IPO5: variants seen among roughly 807,000 people sequenced by gnomAD.
IPO5 encodes importin-5.
IPO5 carries 18 observed loss-of-function variants against 143.3 expected under a neutral mutation model. The observed-to-expected ratio is 0.13, with a 90% CI of 0.09 to 0.19. The LOEUF (loss-of-function observed/expected upper bound fraction) is 0.19, where lower values mean the gene tolerates loss of function less well. IPO5 is among the 10% of genes least tolerant of loss of function. The probability of loss-of-function intolerance (pLI) is 1.00; values close to 1 mark genes in which losing one functional copy is unlikely to be tolerated. For missense variants in IPO5, 1,013 were observed against 1,336.9 expected, an observed-to-expected ratio of 0.76 and a Z score of 3.78; for synonymous variants, 477 against 465.7, an observed-to-expected ratio of 1.02 and a Z score of -0.31.
rs11842711 is a variant in IPO5, at chr13:98,014,529, G to T, written c.2325+315G>T. Among the ~76,000 whole-genome samples, 13 of 152,156 alleles carry T rather than the reference G, an allele frequency of 8.5e-5. No individual in the cohort carries two copies. The East Asian group carries it at 1.2e-3, about 14-fold the overall frequency. On this transcript the variant is annotated intron_variant, in intron 22 of 28. Coordinates refer to ENST00000651721, the MANE Select transcript of IPO5 (RefSeq NM_002271.6). ...CTCGGCCTCCCAGAGTGCTGGGATT[G>T]CAGATGTAAGGCAGCTAAATAAATT...
intron 6 of IPO5, among the ~76,000 whole-genome samples, chr13:97,988,391 T>C (rs767023574): frequency 1.3e-5 from 2 of 152,226 alleles, no homozygotes; most frequent in Admixed American, 6.5e-5. Flanking sequence ...CTTTGCCTAC[T>C]TTTTCAACTC....
At chr13:97,972,968 T>C (rs1263096797) in intron 3 of IPO5, among the ~76,000 whole-genome samples, 1 of 152,014 alleles carries the variant, frequency 6.6e-6, no homozygotes, top group Non-Finnish European at 1.5e-5. Context: ...TTGATCTCCT[T>C]GGGAAATAAA....
At position 98,021,935 on chromosome 13, in the gene IPO5, C is replaced by G; in HGVS notation, c.*113C>G. 1 of 580,274 alleles carries G rather than the reference C, an allele frequency of 1.7e-6. No individual in the cohort carries two copies. Among genetic ancestry groups the G allele is most frequent in the Non-Finnish European group, 2.9e-6 (1 of 344,802 alleles). 35.9% of individuals were successfully genotyped at this position (580,274 alleles called of 1,614,324 possible). A position where few individuals can be genotyped will look rare whatever the true frequency, so the allele number is the denominator to read the frequency against. On this transcript the variant is annotated 3_prime_UTR_variant, in exon 29 of 29. Transcript: ENST00000651721. ...AGAGATCGGTAGTGTTGTGTGTAGG[C>G]CATTCTTCTGGAGAGCCACAAGCAG... is the stretch of plus-strand genomic sequence containing the variant.
intron 2 of IPO5, among the ~76,000 whole-genome samples, chr13:97,969,175 A>ATATATATATTTTTTTTTTTTTTTTTTTTT (rs1234384302): frequency 2.3e-5 from 1 of 43,896 alleles, no homozygotes; most frequent in Non-Finnish European, 4.0e-5. Context: ...ATATATATAT[A>ATATATATATTTTTTTTTTTTTTTTTTTTT]TTTTTTTTTT....
chr13:97,973,077 CTG>C (rs1389024783), intron 3 of IPO5, among the ~76,000 whole-genome samples: 8 of 119,274 alleles, frequency 6.7e-5, no homozygotes, highest in Non-Finnish European at 1.3e-4. Context: ...GAGTCTCACT[CTG>C]TCACCCATGC....
At chr13:97,982,395 T>C (rs1349543475) in intron 4 of IPO5, 108 bp from the exon 5 acceptor site, 2 of 707,052 alleles carry the variant, frequency 2.8e-6, no homozygotes, top group Non-Finnish European at 4.9e-6. Context: ...ACACCAGACC[T>C]AGATTAAATA....
rs1157802127 is a variant in IPO5 at position 98,021,738 on chromosome 13, T to G, written c.3210T>G (p.Thr1070=). 16 of 1,542,378 alleles carry G rather than the reference T, an allele frequency of 1.0e-5. No individual in the cohort carries two copies. Among genetic ancestry groups the G allele is most frequent in the Non-Finnish European group, 1.4e-5 (16 of 1,131,038 alleles). Residue 1070 remains threonine, a splice_region_variant and synonymous_variant, in exon 29 of 29, where the codon ACT becomes ACG. Coordinates refer to ENST00000651721, the MANE Select transcript of IPO5 (RefSeq NM_002271.6). ...RLANVVRQVQ[T]SGGLWTECIA... Reference sequence around the variant, plus strand: ...TGTGAAAATGTTTCTTTCCCTAGACTTCTGGAGGACTGTGGACTGAGTGCA... The same window carrying G: ...TGTGAAAATGTTTCTTTCCCTAGACGTCTGGAGGACTGTGGACTGAGTGCA...
intron 6 of IPO5, among the ~76,000 whole-genome samples, chr13:97,988,535 C>A (rs1887562014): frequency 6.6e-6 from 1 of 152,230 alleles, no homozygotes; most frequent in African/African-American, 2.4e-5. Flanking sequence ...CGCCTGTAAT[C>A]CTAGTACTTT....
At chr13:97,958,495 T>C (rs1291211817) in intron 2 of IPO5, among the ~76,000 whole-genome samples, 1 of 152,062 alleles carries the variant, frequency 6.6e-6, no homozygotes, top group Non-Finnish European at 1.5e-5. Context: ...GACTCTCCTT[T>C]GCTCAGGACC....
chr13:97,953,950 T>A (rs1360027159), intron 1 of IPO5, 169 bp from the exon 2 acceptor site: 3 of 455,894 alleles, frequency 6.6e-6, no homozygotes, highest in Non-Finnish European at 1.3e-5. Context: ...GACGATTTCA[T>A]GATGGCTCAT....
intron 16 of IPO5, among the ~76,000 whole-genome samples, chr13:98,005,365 T>TTTATTTA (rs1889143910): frequency 1.4e-5 from 2 of 142,084 alleles, no homozygotes. Flanking sequence ...CCTGGCTAAT[T>TTTATTTA]TTTATTTATT....
Position 97,991,265 on chromosome 13 carries a change from G to A in IPO5, c.669+728G>A, listed in dbSNP as rs377456640. ...ATACAAAAAAGAAATGCAAAGAAAC[G>A]TATAATAAAATGGCTTGCTTCTCCT... On this transcript the variant is annotated intron_variant, in intron 9 of 28. Transcript: ENST00000651721. 3.3e-5 allele frequency among the ~76,000 whole-genome samples: 5 copies of A among 152,132 alleles called. No homozygotes were observed. In the South Asian group the frequency reaches 6.2e-4, roughly 19 times the overall value.
At chr13:97,960,824 G>T (rs1486832436) in intron 2 of IPO5, among the ~76,000 whole-genome samples, 3 of 152,168 alleles carry the variant, frequency 2.0e-5, no homozygotes, top group Non-Finnish European at 4.4e-5. Flanking sequence ...CTCCCAAAGT[G>T]CTGGGATTAC....
intron 11 of IPO5, among the ~76,000 whole-genome samples, chr13:97,996,586 G>A (rs1000513847): frequency 2.0e-5 from 3 of 152,036 alleles, no homozygotes; most frequent in Admixed American, 6.5e-5. Flanking sequence ...TGTGCAGAGC[G>A]CAGCTTGTTT....
chr13:97,974,683 CA>C (rs57634218), intron 3 of IPO5, among the ~76,000 whole-genome samples: 107 of 136,582 alleles, frequency 7.8e-4, no homozygotes, highest in Middle Eastern at 3.9e-3. Flanking sequence ...CAACGACCCA[CA>C]AAAAAAAAAA....
intron 6 of IPO5, among the ~76,000 whole-genome samples, chr13:97,986,588 G>A (rs1344003533): frequency 6.6e-6 from 1 of 152,060 alleles, no homozygotes; most frequent in South Asian, 2.1e-4. Flanking sequence ...GGCCTCAGGT[G>A]ATCTGCCCAT....
chr13:98,014,930 A>T (rs1228455052), intron 22 of IPO5, among the ~76,000 whole-genome samples: 1 of 147,582 alleles, frequency 6.8e-6, no homozygotes, highest in Admixed American at 6.9e-5. Context: ...TTTTCCTCTC[A>T]GTTCATTCTC....
At chr13:97,986,864 A>G (rs1752919320) in intron 6 of IPO5, 1 of 152,234 alleles carries the variant, frequency 6.6e-6, no homozygotes, top group Non-Finnish European at 1.5e-5. Flanking sequence ...TTGGTTAAAA[A>G]GCTACCTAAT....
chr13:97,996,952 A>G (rs1174836185), intron 11 of IPO5, among the ~76,000 whole-genome samples: 3 of 152,182 alleles, frequency 2.0e-5, no homozygotes, highest in African/African-American at 4.8e-5. Flanking sequence ...GCCTAGACTC[A>G]TGCTTGTCAA....
Sources: gnomAD v4.1 joint callset for allele counts (sites outside exome capture counted in the v4.1 genomes callset) on GRCh38, gnomAD v4.1.1 for gene constraint, MANE v1.5 for transcripts, NCBI Gene and HGNC (gene_info 2026-07-23, HGNC 2026-07-21) for gene names.